The following EPHA5 variants were observed in gnomAD, a reference collection of about 807,000 sequenced individuals.
The protein encoded by EPHA5 is ephrin type-A receptor 5.
In EPHA5, 60 loss-of-function variants were observed where a neutral mutation model predicts 105.0. The observed-to-expected ratio is 0.57, with a 90% CI of 0.46 to 0.71. EPHA5 has a LOEUF of 0.71. Ranked by LOEUF, EPHA5 falls within the 30% of genes least tolerant of loss-of-function variation. EPHA5 has a pLI of 0.00. For synonymous variants in EPHA5, 513 were observed against 449.1 expected (o/e 1.14, Z -1.80); for missense variants, 1,218 against 1,274.7 (o/e 0.96, Z 0.68).
intron 2 of EPHA5, among the ~76,000 whole-genome samples, chr4:65,616,927 C>A (rs550056939): frequency 8.2e-4 from 125 of 152,120 alleles, no homozygotes; most frequent in African/African-American, 2.9e-3. Context: ...AAGTTGAAAT[C>A]TTTGTGAACT....
At chr4:65,333,034 A>G (rs991351472) in intron 15 of EPHA5, among the ~76,000 whole-genome samples, 2 of 152,014 alleles carry the variant, frequency 1.3e-5, no homozygotes, top group South Asian at 4.1e-4. Context: ...CAACTAAATC[A>G]ATAGACACTT....
chr4:65,450,828 A>C (rs1301757260), intron 5 of EPHA5, among the ~76,000 whole-genome samples: 1 of 152,112 alleles, frequency 6.6e-6, no homozygotes, highest in African/African-American at 2.4e-5. Context: ...AGAACCTCAA[A>C]ATAATTGTGG....
chr4:65,578,860 A>G (rs1199354207), intron 3 of EPHA5, among the ~76,000 whole-genome samples: 1 of 152,104 alleles, frequency 6.6e-6, no homozygotes, highest in African/African-American at 2.4e-5. Flanking sequence ...TCTAGAGCCT[A>G]TAATTATAAG....
At chr4:65,616,357 C>A (rs1745236973) in intron 2 of EPHA5, among the ~76,000 whole-genome samples, 1 of 151,518 alleles carries the variant, frequency 6.6e-6, no homozygotes, top group African/African-American at 2.4e-5. Flanking sequence ...GTGGCATTGT[C>A]TCTGTTTGGT....
intron 5 of EPHA5, among the ~76,000 whole-genome samples, chr4:65,444,474 G>A (rs1473135984): frequency 6.6e-6 from 1 of 152,128 alleles, no homozygotes; most frequent in African/African-American, 2.4e-5. Flanking sequence ...ACAGTACACT[G>A]ATAGAAGAAT....
rs151269234 is a variant in EPHA5 at position 65,637,386 on chromosome 4, A to C, written c.246+5977T>G. Reference sequence around the variant, plus strand: ...GGTAGTAAATAAGTCAAAGAGGAGAATTTGCATACTCTCCTATATGGCAGT... The same window carrying C: ...GGTAGTAAATAAGTCAAAGAGGAGACTTTGCATACTCTCCTATATGGCAGT... On this transcript the variant is annotated intron_variant, in intron 2 of 16. Transcript: ENST00000613740. Among the ~76,000 whole-genome samples the C allele has an allele frequency of 4.0e-5, 6 of 151,682 alleles. No individual in the cohort carries two copies. In the East Asian group the frequency reaches 1.2e-3, roughly 29 times the overall value.
chr4:65,333,340 T>A (rs550894270), intron 15 of EPHA5, among the ~76,000 whole-genome samples: 2 of 151,860 alleles, frequency 1.3e-5, no homozygotes, highest in Admixed American at 6.6e-5. Flanking sequence ...ACCAATTTTA[T>A]AAAAATTACT....
At chr4:65,504,261 A>T (rs1474465913) in intron 3 of EPHA5, among the ~76,000 whole-genome samples, 1 of 151,214 alleles carries the variant, frequency 6.6e-6, no homozygotes, top group Non-Finnish European at 1.5e-5. Flanking sequence ...TAAATTTGGT[A>T]AAAATTTATT....
intron 1 of EPHA5, among the ~76,000 whole-genome samples, chr4:65,656,211 G>T (rs1412233030): frequency 7.3e-6 from 1 of 137,574 alleles, no homozygotes; most frequent in Non-Finnish European, 1.5e-5. Flanking sequence ...ACTCATACAA[G>T]AATCCATCAG....
At chr4:65,516,055 G>C (rs1169900173) in intron 3 of EPHA5, among the ~76,000 whole-genome samples, 1 of 152,044 alleles carries the variant, frequency 6.6e-6, no homozygotes, top group East Asian at 1.9e-4. Context: ...GGACTTCTCA[G>C]CCTTCATCAT....
intron 1 of EPHA5, among the ~76,000 whole-genome samples, chr4:65,662,870 A>G (rs1749669350): frequency 1.3e-5 from 2 of 152,074 alleles, no homozygotes; most frequent in Admixed American, 1.3e-4. Flanking sequence ...GCACACACCC[A>G]TGGGCACATA....
rs71657188 is a variant in EPHA5 at position 65,573,410 on chromosome 4, CAAAAAAAA to C, written c.910+28223_910+28230del. 2.1e-4 allele frequency: 135 copies of C among 655,912 alleles called. 1 individual carries two copies. In the South Asian group the frequency reaches 3.0e-3, roughly 14 times the overall value. The allele number at this position is 655,912 out of a possible 1,614,324, so 40.6% of individuals were successfully genotyped here. Reference sequence around the variant, plus strand: ...TGGGTGACCGAGCCAGACTCCGTCTCAAAAAAAAAAAAAAAAAAAAAAAAAGAAGCTCT... The same window carrying C: ...TGGGTGACCGAGCCAGACTCCGTCTCAAAAAAAAAAAAAAAAAGAAGCTCT... On this transcript the variant is annotated intron_variant, in intron 3 of 16. Transcript: ENST00000613740.
At chr4:65,454,986 C>T (rs1727434248) in intron 5 of EPHA5, among the ~76,000 whole-genome samples, 1 of 152,144 alleles carries the variant, frequency 6.6e-6, no homozygotes, top group African/African-American at 2.4e-5. Context: ...TGGCTCACGC[C>T]TGTAATCCCA....
intron 3 of EPHA5, among the ~76,000 whole-genome samples, chr4:65,569,555 T>C (rs1048341192): frequency 6.6e-6 from 1 of 151,746 alleles, no homozygotes; most frequent in African/African-American, 2.4e-5. Flanking sequence ...CTGGACCAGA[T>C]AAATTAAAAG....
At chr4:65,436,318 C>T (rs997733094) in intron 5 of EPHA5, among the ~76,000 whole-genome samples, 2 of 151,728 alleles carry the variant, frequency 1.3e-5, no homozygotes, top group Admixed American at 6.6e-5. Flanking sequence ...TAATCAACTA[C>T]TATCAAGATC....
chr4:65,399,378 A>G (rs956140613), intron 8 of EPHA5, among the ~76,000 whole-genome samples: 1 of 152,122 alleles, frequency 6.6e-6, no homozygotes, highest in Non-Finnish European at 1.5e-5. Context: ...GCCCTTTGCA[A>G]TTGTGGGATT....
At chr4:65,387,053 A>G (rs1389038707) in intron 8 of EPHA5, among the ~76,000 whole-genome samples, 1 of 151,934 alleles carries the variant, frequency 6.6e-6, no homozygotes, top group Non-Finnish European at 1.5e-5. Context: ...CCATTAATCT[A>G]ACCTCTAAGA....
chr4:65,547,973 A>C (rs1318967468), intron 3 of EPHA5, among the ~76,000 whole-genome samples: 1 of 151,868 alleles, frequency 6.6e-6, no homozygotes, highest in Non-Finnish European at 1.5e-5. Context: ...TCAAAAGAAA[A>C]CATTTTCTGT....
chr4:65,601,852 G>T lies in EPHA5; in HGVS notation c.699C>A (p.Cys233Ter), dbSNP rs747700048. 6.2e-7 allele frequency: 1 copy of T among 1,614,058 alleles called. No homozygotes were observed. Among genetic ancestry groups the T allele is most frequent in the Non-Finnish European group, 8.5e-7 (1 of 1,179,992 alleles). ...LVSVRVYYKK[C>*]PSVVRHLAVF... The stretch of plus-strand genomic sequence containing the variant: ...CAGCCAAGTGTCGTACCACAGAAGG[G>T]CATTTTTTATAGTATACACGCACAG... The change falls in exon 3 of 17, where the codon TGC becomes TGA. Residue 233 changes from cysteine to a stop codon, truncating the protein, a stop_gained. Coordinates refer to ENST00000613740, the MANE Select transcript of EPHA5 (RefSeq NM_001281766.3). LOFTEE classifies it high-confidence loss of function.
Sources: allele counts gnomAD v4.1 joint callset (sites outside exome capture counted in the v4.1 genomes callset), GRCh38; gene constraint gnomAD v4.1.1; transcripts MANE v1.5; gene names NCBI Gene and HGNC (gene_info 2026-07-23, HGNC 2026-07-21).